The following PCNA variants were observed in gnomAD, a reference collection of about 807,000 sequenced individuals.
The protein encoded by PCNA is proliferating cell nuclear antigen, also known as DNA sliding clamp PCNA.
PCNA carries 4 observed loss-of-function variants against 27.8 expected under a neutral mutation model. That is an observed-to-expected ratio of 0.14 (90% CI 0.07 to 0.33). The LOEUF (loss-of-function observed/expected upper bound fraction) is 0.33, where lower values mean the gene tolerates loss of function less well. PCNA is among the 10% of genes least tolerant of loss of function. The pLI is 1.00. For synonymous variants in PCNA, 121 were observed against 119.4 expected (o/e 1.01, Z -0.09); for missense variants, 165 against 327.4 (o/e 0.50, Z 3.83).
rs1209847033 is a variant in PCNA, at chr20:5,115,060, G to A, written c.*223C>T. The A allele has an allele frequency of 2.4e-6, 1 of 409,990 alleles. No individual in the cohort carries two copies. The highest frequency in any genetic ancestry group is 4.1e-5 in the Admixed American group (1 of 24,260). 25.4% of individuals were successfully genotyped at this position (409,990 alleles called of 1,614,324 possible). ...ATAAAAATCACAAGTATTTCTAAGAGACAAAAATACTTCTAGGTTAACTAG... is the reference window on the plus strand; with the variant it reads ...ATAAAAATCACAAGTATTTCTAAGAAACAAAAATACTTCTAGGTTAACTAG... On this transcript the variant is annotated 3_prime_UTR_variant, in exon 6 of 6. Coordinates refer to ENST00000379143, the MANE Select transcript of PCNA (RefSeq NM_182649.2).
rs968068855 is a variant in PCNA at position 5,117,376 on chromosome 20, C to A, written c.582+94G>T. The A allele has an allele frequency of 6.0e-6, 5 of 828,208 alleles. No individual in the cohort carries two copies. The African/African-American group carries it at 8.6e-5, about 14-fold the overall frequency. The allele number at this position is 828,208 out of a possible 1,614,324, so 51.3% of individuals were successfully genotyped here. A position where few individuals can be genotyped will look rare whatever the true frequency, so the allele number is the denominator to read the frequency against. The stretch of plus-strand genomic sequence containing the variant: ...TCAATTTTCAGAAATTACTTGGGAT[C>A]CAATTCTGTCTACTTTTAATTTTAG... On this transcript the variant is annotated intron_variant, in intron 4 of 5. Transcript: ENST00000379143.
chr20:5,115,721 A>G, intron 4 of PCNA, 149 bp from the exon 5 acceptor site: 1 of 570,532 alleles, frequency 1.8e-6, no homozygotes, highest in South Asian at 2.4e-5. Flanking sequence ...AAAGCAAAAG[A>G]CTCGATTATC....
chr20:5,120,248 C>T (rs1329972654), upstream of PCNA, among the ~76,000 whole-genome samples: 1 of 152,260 alleles, frequency 6.6e-6, no homozygotes, highest in Non-Finnish European at 1.5e-5. Context: ...GGTGGCTCCT[C>T]AGCCTCCCAC....
At position 5,115,288 on chromosome 20, in the gene PCNA, A is replaced by G. The variant is rs1296719526; in HGVS notation, c.781T>C (p.Ser261Pro). The G allele has an allele frequency of 5.6e-6, 9 of 1,611,414 alleles. No homozygotes were observed. Among genetic ancestry groups the G allele is most frequent in the Non-Finnish European group, 7.6e-6 (9 of 1,177,686 alleles). ...LAPKIEDEEG[S>P] is the part of the protein sequence containing the mutation. ...TTCTTGAATTTTAAGAATGCCTAAGATCCTTCTTCATCCTCGATCTTGGGA... is the reference window on the plus strand; with the variant it reads ...TTCTTGAATTTTAAGAATGCCTAAGGTCCTTCTTCATCCTCGATCTTGGGA... Residue 261 changes from serine to proline, a missense_variant, in exon 6 of 6, where the codon TCT (serine) becomes CCT (proline). Ser to Pro is a moderately conservative substitution (Grantham distance 74). Transcript: ENST00000379143.
At chr20:5,115,597 G>A in intron 4 of PCNA, 25 bp from the exon 5 acceptor site, 1 of 1,598,900 alleles carries the variant, frequency 6.3e-7, no homozygotes, top group African/African-American at 1.3e-5. Context: ...ATTCATCATT[G>A]AAAAACATCA....
Position 5,118,600 on chromosome 20 carries a change from T to G in PCNA, c.387+10A>C. ...TACAGCACTCTCTACAATGAGAAAC[T>G]GATACTCACTGGAATTCCAAGTTGT... On this transcript the variant is annotated intron_variant, in intron 3 of 5. Transcript: ENST00000379143. 1 of 1,577,348 alleles carries G rather than the reference T, an allele frequency of 6.3e-7. No homozygotes were observed.
chr20:5,123,149 A>G (rs1214924588), upstream of PCNA, among the ~76,000 whole-genome samples: 5 of 152,226 alleles, frequency 3.3e-5, no homozygotes, highest in African/African-American at 1.2e-4. Context: ...TGTAGAACTC[A>G]GACTGATGTG....
At chr20:5,119,394 C>T (rs1232986592) in intron 1 of PCNA, among the ~76,000 whole-genome samples, 184 bp downstream of exon 1, 2 of 152,272 alleles carry the variant, frequency 1.3e-5, no homozygotes, top group African/African-American at 4.8e-5. Context: ...CAGGTTCGCG[C>T]AGCAGCCAGC....
chr20:5,119,545 C>T (rs775445527), intron 1 of PCNA, 33 bp downstream of exon 1: 30 of 1,572,426 alleles, frequency 1.9e-5, no homozygotes, highest in Middle Eastern at 2.2e-4. Context: ...TGCAGGCGGG[C>T]CGGGGCCGGC....
At chr20:5,117,235 G>C (rs1042010303) in intron 4 of PCNA, among the ~76,000 whole-genome samples, 12 of 152,194 alleles carry the variant, frequency 7.9e-5, no homozygotes, top group African/African-American at 2.7e-4. Flanking sequence ...GTGTGGACTT[G>C]ATCCATAAAC....
At chr20:5,126,558 G>C (rs1349714094) in exon 1 of PCNA, 3 of 152,328 alleles carry the variant, frequency 2.0e-5, no homozygotes, top group African/African-American at 7.2e-5. Flanking sequence ...TAGAGCCTCC[G>C]GGTGGCGCTT....
At chr20:5,121,688 G>GTGTGATCTTGGCTAA (rs1217441753), upstream of PCNA, 1 of 152,058 alleles carries the variant, frequency 6.6e-6, no homozygotes. Context: ...GAGTGCAGTG[G>GTGTGATCTTGGCTAA]CAAGATGACT....
Position 5,119,886 on chromosome 20 carries a change from G to T in PCNA, c.-88C>A. 9.5e-7 allele frequency: 1 copy of T among 1,054,470 alleles called. No homozygotes were observed. The highest frequency in any genetic ancestry group is 1.4e-6 in the Non-Finnish European group (1 of 710,700). The allele number at this position is 1,054,470 out of a possible 1,614,324, so 65.3% of individuals were successfully genotyped here. On this transcript the variant is annotated 5_prime_UTR_variant, in exon 1 of 6. Coordinates refer to ENST00000379143, the MANE Select transcript of PCNA (RefSeq NM_182649.2). ...CGGCTTCAGGAGCCTCAGAGCGAGC[G>T]GGCGAACGTCGCGACGACCGGCTGA...
chr20:5,115,409 A>G, intron 5 of PCNA, 40 bp downstream of exon 5: 2 of 1,613,790 alleles, frequency 1.2e-6, no homozygotes, highest in Non-Finnish European at 1.7e-6. Flanking sequence ...TGTATCACAT[A>G]TGACTACCTA....
At position 5,115,313 on chromosome 20, in the gene PCNA, A is replaced by G; in HGVS notation, c.756T>C (p.Ala252=). The G allele has an allele frequency of 1.2e-6, 2 of 1,613,850 alleles. No homozygotes were observed. The highest frequency in any genetic ancestry group is 1.7e-6 in the Non-Finnish European group (2 of 1,179,788). ...ATCCTTCTTCATCCTCGATCTTGGG[A>G]GCCAAGTAGTATTTTAAGTGTCCCA... is the stretch of plus-strand genomic sequence containing the variant. ...ADMGHLKYYL[A]PKIEDEEGS is the part of the protein sequence containing the mutation. Residue 252 remains alanine, a synonymous_variant, in exon 6 of 6, where the codon GCT becomes GCC. Transcript: ENST00000379143.
chr20:5,119,363 T>C (rs1399890385), intron 1 of PCNA, among the ~76,000 whole-genome samples: 1 of 152,234 alleles, frequency 6.6e-6, no homozygotes. Flanking sequence ...CCACCCGCTT[T>C]GTGACTTTGG....
chr20:5,117,258 G>A (rs1030080567), intron 4 of PCNA, among the ~76,000 whole-genome samples: 1 of 152,146 alleles, frequency 6.6e-6, no homozygotes, highest in African/African-American at 2.4e-5. Context: ...CTGTTCTGTG[G>A]TATGTACACG....
intron 2 of PCNA, 24 bp from the exon 3 acceptor site, chr20:5,118,701 T>C: frequency 6.2e-7 from 1 of 1,611,632 alleles, no homozygotes; most frequent in Non-Finnish European, 8.5e-7. Flanking sequence ...GCAGATGCTT[T>C]TGAGAAATAC....
Position 5,118,992 on chromosome 20 carries a change from G to A in PCNA, c.222-126C>T, listed in dbSNP as rs2090496132. On this transcript the variant is annotated intron_variant, in intron 1 of 5. Coordinates refer to ENST00000379143, the MANE Select transcript of PCNA (RefSeq NM_182649.2). ...GTCTCAGAACTGGTGGAGGGTAAGCGGACTGCTGGAGGATGCCATTATTAA... is the reference window on the plus strand; with the variant it reads ...GTCTCAGAACTGGTGGAGGGTAAGCAGACTGCTGGAGGATGCCATTATTAA... 49 of 656,048 alleles carry A rather than the reference G, an allele frequency of 7.5e-5. No individual in the cohort carries two copies. In the South Asian group the frequency reaches 8.7e-4, roughly 12 times the overall value. 40.6% of individuals were successfully genotyped at this position (656,048 alleles called of 1,614,324 possible).
Sources: allele counts gnomAD v4.1 joint callset (sites outside exome capture counted in the v4.1 genomes callset), GRCh38; gene constraint gnomAD v4.1.1; transcripts MANE v1.5; gene names NCBI Gene and HGNC (gene_info 2026-07-23, HGNC 2026-07-21).